Variants in FAM81B observed in about 807,000 individuals in gnomAD.
FAM81B encodes the protein protein FAM81B.
FAM81B carries 60 observed loss-of-function variants against 58.7 expected under a neutral mutation model. The ratio of observed to expected loss-of-function variants is 1.02; its 90% confidence interval spans 0.83 to 1.27. The LOEUF (loss-of-function observed/expected upper bound fraction) is 1.27, where lower values mean the gene tolerates loss of function less well. FAM81B is among the 50% of genes most tolerant of loss of function. The pLI is 0.00. For missense variants in FAM81B, 491 were observed against 522.0 expected, an observed-to-expected ratio of 0.94 and a Z score of 0.58; for synonymous variants, 189 against 179.6, an observed-to-expected ratio of 1.05 and a Z score of -0.42.
intron 6 of FAM81B, among the ~76,000 whole-genome samples, chr5:95,435,084 A>G (rs1014096111): frequency 2.0e-5 from 3 of 152,226 alleles, no homozygotes; most frequent in African/African-American, 7.2e-5. Flanking sequence ...TGTTCCTTGA[A>G]CAAAAGTCAC....
intron 5 of FAM81B, 123 bp downstream of exon 5, chr5:95,420,525 A>G (rs1012531907): frequency 2.2e-6 from 3 of 1,342,348 alleles, no homozygotes; most frequent in Non-Finnish European, 3.0e-6. Flanking sequence ...AACTAATGAG[A>G]TGGCATTTGA....
chr5:95,445,963 G>A (rs1435798382), intron 7 of FAM81B, among the ~76,000 whole-genome samples: 1 of 152,118 alleles, frequency 6.6e-6, no homozygotes, highest in African/African-American at 2.4e-5. Context: ...AGCTAAGAAT[G>A]GCTTCTATGC....
chr5:95,393,775 T>C (rs986016069), intron 2 of FAM81B, among the ~76,000 whole-genome samples: 1 of 152,174 alleles, frequency 6.6e-6, no homozygotes, highest in Admixed American at 6.5e-5. Context: ...TCATGTCAAA[T>C]AAAATTATGT....
In FAM81B at chr5:95,393,356, A is replaced by T. The variant is rs577835789; in HGVS notation, c.228+459A>T. Among the ~76,000 whole-genome samples, 7 of 152,372 alleles carry T rather than the reference A, an allele frequency of 4.6e-5. No homozygotes were observed. In the East Asian group the frequency reaches 1.4e-3, roughly 29 times the overall value. On this transcript the variant is annotated intron_variant, in intron 2 of 9. Coordinates refer to ENST00000283357, the MANE Select transcript of FAM81B (RefSeq NM_152548.3). ...CCTTGTAATTTACATAACAAGAGGC[A>T]GATGCAGTCACTTGTTACATAAAGC...
rs564951952 is a variant in FAM81B at position 95,428,795 on chromosome 5, T to C, written c.786+63T>C. 10 of 1,599,272 alleles carry C rather than the reference T, an allele frequency of 6.3e-6. No homozygotes were observed. The East Asian group carries it at 2.2e-4, about 36-fold the overall frequency. ...TGCCAGAAGTAAGATCATTATAGCT[T>C]ATCAAAATGCCCAATCAGGTGGTAA... On this transcript the variant is annotated intron_variant, in intron 6 of 9. Transcript: ENST00000283357.
At chr5:95,436,525 T>G (rs1226282005) in intron 6 of FAM81B, among the ~76,000 whole-genome samples, 1 of 152,222 alleles carries the variant, frequency 6.6e-6, no homozygotes, top group Non-Finnish European at 1.5e-5. Flanking sequence ...GTTTTTGTTA[T>G]ATCATTAGAT....
At chr5:95,403,333 T>C (rs1341824941) in intron 3 of FAM81B, among the ~76,000 whole-genome samples, 1 of 152,246 alleles carries the variant, frequency 6.6e-6, no homozygotes, top group Non-Finnish European at 1.5e-5. Context: ...AGCCATTATA[T>C]GTAAATATGT....
intron 5 of FAM81B, among the ~76,000 whole-genome samples, chr5:95,423,233 AT>A (rs1332273751): frequency 6.6e-6 from 1 of 152,176 alleles, no homozygotes; most frequent in African/African-American, 2.4e-5. Context: ...TGAGATTTGA[AT>A]TTTACACTTT....
chr5:95,424,412 G>A (rs1419112831), intron 5 of FAM81B, among the ~76,000 whole-genome samples: 7 of 149,734 alleles, frequency 4.7e-5, no homozygotes, highest in East Asian at 2.0e-4. Flanking sequence ...AAGTTCTCCC[G>A]GTTTCAACGA....
intron 3 of FAM81B, among the ~76,000 whole-genome samples, chr5:95,400,435 C>CGTACAT (rs111266703): frequency 1.4e-5 from 2 of 143,504 alleles, no homozygotes; most frequent in East Asian, 4.1e-4. Flanking sequence ...TACATACATA[C>CGTACAT]ACACACACAC....
At chr5:95,399,362 T>C (rs949911749) in intron 3 of FAM81B, among the ~76,000 whole-genome samples, 2 of 152,230 alleles carry the variant, frequency 1.3e-5, no homozygotes, top group African/African-American at 4.8e-5. Context: ...TTACAATGCA[T>C]GAGAAAGGAA....
chr5:95,392,880 A>C lies in FAM81B; in HGVS notation c.211A>C (p.Asn71His), dbSNP rs779386269. The part of the protein sequence containing the change: ...EPDGPLPGSD[N>H]NQEKKVRLSP... ...TGATGGCCCCCTTCCTGGCTCAGAC[A>C]ATAACCAAGAAAAGAAAGCAAGTAC... The change falls in exon 2 of 10, where the codon AAT (asparagine) becomes CAT (histidine). Residue 71 changes from asparagine (N) to histidine (H), a missense_variant. Physicochemically the swap from Asn to His is moderately conservative, Grantham distance 68 (BLOSUM62 1). Coordinates refer to ENST00000283357, the MANE Select transcript of FAM81B (RefSeq NM_152548.3). 9 of 1,608,080 alleles carry C rather than the reference A, an allele frequency of 5.6e-6. 1 individual carries two copies. In the Admixed American group the frequency reaches 1.5e-4, roughly 28 times the overall value.
intron 4 of FAM81B, among the ~76,000 whole-genome samples, chr5:95,416,720 C>A (rs980377147): frequency 6.6e-6 from 1 of 152,140 alleles, no homozygotes; most frequent in Non-Finnish European, 1.5e-5. Flanking sequence ...TAAACTCTAT[C>A]ATGTCTCATT....
At chr5:95,440,577 C>A in intron 7 of FAM81B, 1 of 586,250 alleles carries the variant, frequency 1.7e-6, no homozygotes, top group Non-Finnish European at 3.1e-6. Flanking sequence ...GCAATTACTG[C>A]ATATAGAAGA....
intron 3 of FAM81B, among the ~76,000 whole-genome samples, chr5:95,407,404 ACACACG>A (rs1762279848): frequency 6.6e-6 from 1 of 150,546 alleles, no homozygotes; most frequent in African/African-American, 2.5e-5. Context: ...ACACACACAC[ACACACG>A]CACACACACA....
At chr5:95,422,948 A>G (rs114660091) in intron 5 of FAM81B, among the ~76,000 whole-genome samples, 2,149 of 152,242 alleles carry the variant, frequency 0.014, 47 homozygotes, top group African/African-American at 0.049. Flanking sequence ...TCTCCCTTTT[A>G]TGGAAAATTT....
chr5:95,444,940 A>G (rs1470238114), intron 7 of FAM81B, among the ~76,000 whole-genome samples: 2 of 152,146 alleles, frequency 1.3e-5, no homozygotes, highest in Non-Finnish European at 2.9e-5. Context: ...TCTACCCACT[A>G]GATGCCAGTA....
intron 5 of FAM81B, among the ~76,000 whole-genome samples, chr5:95,423,214 T>C (rs911649181): frequency 1.3e-5 from 2 of 152,224 alleles, no homozygotes; most frequent in African/African-American, 4.8e-5. Context: ...CAATATTTAA[T>C]AACTACAATG....
chr5:95,429,495 C>T (rs571888088), intron 6 of FAM81B, among the ~76,000 whole-genome samples: 10 of 152,258 alleles, frequency 6.6e-5, no homozygotes, highest in South Asian at 2.1e-4. Context: ...GAAAGTCTGG[C>T]GTTTGATTAT....
Sources: allele counts gnomAD v4.1 joint callset (sites outside exome capture counted in the v4.1 genomes callset), GRCh38; gene constraint gnomAD v4.1.1; transcripts MANE v1.5; gene names NCBI Gene and HGNC (gene_info 2026-07-23, HGNC 2026-07-21).